Variants in SNAP25 observed in about 807,000 individuals in gnomAD.
SNAP25 encodes synaptosome associated protein 25, also known as synaptosomal-associated protein 25.
Under a neutral mutation model 28.7 loss-of-function variants are expected in SNAP25, and 3 were observed. The ratio of observed to expected loss-of-function variants is 0.10; its 90% confidence interval spans 0.05 to 0.27. The LOEUF (loss-of-function observed/expected upper bound fraction) is 0.27. Among genes scored for constraint, SNAP25 ranks in the 10% least tolerant of loss-of-function variants. SNAP25 has a pLI of 1.00. For synonymous variants in SNAP25, 61 were observed against 88.1 expected (o/e 0.69, Z 1.72); for missense variants, 117 against 278.7 (o/e 0.42, Z 4.13).
intron 1 of SNAP25, among the ~76,000 whole-genome samples, chr20:10,274,771 A>G (rs1056740117): frequency 6.6e-6 from 1 of 152,126 alleles, no homozygotes; most frequent in African/African-American, 2.4e-5. Flanking sequence ...TGAACCCGGG[A>G]GGCAGAGCTT....
rs1245178188 is a variant in SNAP25, at chr20:10,290,561, C to A, written c.164-2600C>A. ...ATTCATAGGTCCAATACCTGTGCAC[C>A]AATTCACATATATATGTTACCTCCT... On this transcript the variant is annotated intron_variant, in intron 4 of 7. Transcript: ENST00000254976. Among the ~76,000 whole-genome samples, 4 of 151,744 alleles carry A rather than the reference C, an allele frequency of 2.6e-5. No homozygotes were observed. In the South Asian group the frequency reaches 8.3e-4, roughly 32 times the overall value.
intron 3 of SNAP25, among the ~76,000 whole-genome samples, chr20:10,279,901 T>A (rs1453982521): frequency 6.6e-6 from 1 of 152,244 alleles, no homozygotes; most frequent in Non-Finnish European, 1.5e-5. Flanking sequence ...TTTCTATTTA[T>A]GGTCAAACAT....
At chr20:10,277,812 C>A in intron 3 of SNAP25, 86 bp downstream of exon 3, 3 of 1,233,240 alleles carry the variant, frequency 2.4e-6, no homozygotes, top group South Asian at 1.2e-5. Context: ...TTTCCTTGGG[C>A]CATGATCCCC....
intron 1 of SNAP25, among the ~76,000 whole-genome samples, chr20:10,241,832 A>G (rs1353111551): frequency 6.6e-6 from 1 of 152,180 alleles, no homozygotes; most frequent in Non-Finnish European, 1.5e-5. Context: ...GCCAGCCTGC[A>G]GAGGAGACTG....
intron 4 of SNAP25, among the ~76,000 whole-genome samples, chr20:10,289,895 A>T (rs915398303): frequency 6.6e-6 from 1 of 151,920 alleles, no homozygotes; most frequent in Non-Finnish European, 1.5e-5. Flanking sequence ...TCATTGGTGG[A>T]TCTATCACAA....
chr20:10,282,669 G>T (rs141044069), intron 3 of SNAP25, among the ~76,000 whole-genome samples: 1 of 152,334 alleles, frequency 6.6e-6, no homozygotes, highest in Non-Finnish European at 1.5e-5. Flanking sequence ...ACTGTCCCCA[G>T]TAGAATGGAG....
chr20:10,299,153 A>T, intron 6 of SNAP25, 115 bp from the exon 7 acceptor site: 1 of 1,174,358 alleles, frequency 8.5e-7, no homozygotes, highest in Non-Finnish European at 1.2e-6. Context: ...GATGGAGATT[A>T]AAGATAGATA....
intron 2 of SNAP25, 24 bp downstream of exon 2, chr20:10,275,587 G>A (rs1467294674): frequency 6.4e-7 from 1 of 1,571,304 alleles, no homozygotes; most frequent in Non-Finnish European, 8.7e-7. Context: ...ACCTAGGAAG[G>A]GAGGCAAAAG....
At chr20:10,222,681 A>G (rs2062655443) in intron 1 of SNAP25, among the ~76,000 whole-genome samples, 1 of 152,214 alleles carries the variant, frequency 6.6e-6, no homozygotes, top group African/African-American at 2.4e-5. Context: ...AGAAATTACT[A>G]TTGACAGAGT....
intron 4 of SNAP25, among the ~76,000 whole-genome samples, chr20:10,287,660 TATATACCCAAAGGA>T (rs1475899333): frequency 6.7e-6 from 1 of 148,178 alleles, no homozygotes; most frequent in Non-Finnish European, 1.5e-5. Context: ...CATTACTGGG[TATATACCCAAAGGA>T]CTATAAATCA....
intron 1 of SNAP25, among the ~76,000 whole-genome samples, chr20:10,250,696 AG>A (rs1289958069): frequency 6.6e-6 from 1 of 152,230 alleles, no homozygotes; most frequent in African/African-American, 2.4e-5. Context: ...GGTGCCAAAA[AG>A]CTTCATGAAA....
At chr20:10,265,786 C>T (rs908473157) in intron 1 of SNAP25, among the ~76,000 whole-genome samples, 1 of 152,144 alleles carries the variant, frequency 6.6e-6, no homozygotes, top group African/African-American at 2.4e-5. Flanking sequence ...GTGGGAACTC[C>T]ACCTCTCACA....
At chr20:10,304,809 T>A (rs1418505540) in intron 7 of SNAP25, among the ~76,000 whole-genome samples, 1 of 152,212 alleles carries the variant, frequency 6.6e-6, no homozygotes, top group Non-Finnish European at 1.5e-5. Context: ...AGATCACTTT[T>A]TACTGCACTA....
intron 4 of SNAP25, 120 bp downstream of exon 4, chr20:10,284,892 G>C: frequency 5.3e-6 from 4 of 752,188 alleles, no homozygotes; most frequent in Non-Finnish European, 8.9e-6. Flanking sequence ...CGAATGTGAG[G>C]GTTCTAGATT....
chr20:10,266,605 T>C (rs1241329277), intron 1 of SNAP25, among the ~76,000 whole-genome samples: 1 of 152,200 alleles, frequency 6.6e-6, no homozygotes, highest in Non-Finnish European at 1.5e-5. Flanking sequence ...AAATGAATAT[T>C]TGATTGGATT....
At chr20:10,224,252 C>T (rs1208646031) in intron 1 of SNAP25, among the ~76,000 whole-genome samples, 2 of 63,760 alleles carry the variant, frequency 3.1e-5, no homozygotes, top group East Asian at 8.7e-4. Flanking sequence ...AGAGAATGTA[C>T]ATGTCTTTTT....
chr20:10,299,717 C>G (rs757102932), intron 7 of SNAP25, among the ~76,000 whole-genome samples: 1 of 152,152 alleles, frequency 6.6e-6, no homozygotes, highest in African/African-American at 2.4e-5. Flanking sequence ...AAGAAATTCA[C>G]GGCCTATGGG....
At chr20:10,292,982 C>A (rs751701373) in intron 4 of SNAP25, 179 bp from the exon 5 acceptor site, 4 of 1,609,884 alleles carry the variant, frequency 2.5e-6, no homozygotes, top group Non-Finnish European at 2.5e-6. Context: ...GTGGCCTTTT[C>A]ATATGTCCTT....
Position 10,299,253 on chromosome 20 carries a change from C to T in SNAP25, c.408-15C>T. 6.2e-7 allele frequency: 1 copy of T among 1,612,830 alleles called. No homozygotes were observed. Among genetic ancestry groups the T allele is most frequent in the South Asian group, 1.1e-5 (1 of 90,984 alleles). On this transcript the variant is annotated splice_polypyrimidine_tract_variant and intron_variant, in intron 6 of 7. Transcript: ENST00000254976. ...TCCACCCTCTGTCTTCTAAAACTTG[C>T]TCTTTGGATCCCAGGGTAACAAATG... is the stretch of plus-strand genomic sequence containing the variant.
Sources: gnomAD v4.1 joint callset for allele counts (sites outside exome capture counted in the v4.1 genomes callset) on GRCh38, gnomAD v4.1.1 for gene constraint, MANE v1.5 for transcripts, NCBI Gene and HGNC (gene_info 2026-07-23, HGNC 2026-07-21) for gene names.